Variants in IGFBP4 observed in about 807,000 individuals in gnomAD.
IGFBP4 encodes the protein insulin like growth factor binding protein 4.
In IGFBP4, 9 loss-of-function variants were observed where a neutral mutation model predicts 25.8. The observed-to-expected ratio is 0.35, with a 90% CI of 0.21 to 0.61. The LOEUF (loss-of-function observed/expected upper bound fraction) is 0.61, where lower values mean the gene tolerates loss of function less well. Among genes scored for constraint, IGFBP4 ranks in the 20% least tolerant of loss-of-function variants. IGFBP4 has a pLI of 0.77. For synonymous variants in IGFBP4, 153 were observed against 153.9 expected (o/e 0.99, Z 0.05); for missense variants, 315 against 365.3 (o/e 0.86, Z 1.12).
At chr17:40,446,476 C>T (rs2035646378) in intron 1 of IGFBP4, among the ~76,000 whole-genome samples, 1 of 151,842 alleles carries the variant, frequency 6.6e-6, no homozygotes, top group East Asian at 1.9e-4. Flanking sequence ...ATTAGCTGGG[C>T]ATGGTGGTGC....
At chr17:40,454,601 G>T (rs1281774140) in intron 3 of IGFBP4, among the ~76,000 whole-genome samples, 1 of 152,190 alleles carries the variant, frequency 6.6e-6, no homozygotes, top group East Asian at 1.9e-4. Context: ...GTTGGAGACA[G>T]GCACTTTGGG....
chr17:40,445,873 C>T (rs1208725107), intron 1 of IGFBP4, among the ~76,000 whole-genome samples: 1 of 152,122 alleles, frequency 6.6e-6, no homozygotes, highest in Non-Finnish European at 1.5e-5. Context: ...CCTCTCTCAG[C>T]ACTTTGAATG....
At position 40,444,924 on chromosome 17, in the gene IGFBP4, CACAGAGACAGAGAGAGAGAGAGAG is replaced by C. The variant is rs1197198642; in HGVS notation, c.349+842_349+865del. Among the ~76,000 whole-genome samples the C allele has an allele frequency of 1.2e-3, 112 of 96,150 alleles. 2 individuals are homozygous for C. In the East Asian group the frequency reaches 0.013, roughly 12 times the overall value. The allele number at this position is 96,150 out of a possible 152,430, so 63.1% of individuals were successfully genotyped here. On this transcript the variant is annotated intron_variant, in intron 1 of 3. Transcript: ENST00000269593. ...ACACACACACACACACACACACACA[CACAGAGACAGAGAGAGAGAGAGAG>C]AGAGAGAGAGAGAGAGAGAGAGAGA...
At chr17:40,447,495 C>G (rs144600826) in intron 1 of IGFBP4, among the ~76,000 whole-genome samples, 1 of 152,170 alleles carries the variant, frequency 6.6e-6, no homozygotes, top group East Asian at 1.9e-4. Context: ...GCAAATTCTG[C>G]CCCCCTACTT....
At position 40,453,277 on chromosome 17, in the gene IGFBP4, G is replaced by A; in HGVS notation, c.507+135G>A. On this transcript the variant is annotated intron_variant, in intron 2 of 3. Transcript: ENST00000269593. The surrounding 1 kb of genome is among the most constrained non-coding windows in gnomAD (Gnocchi z 4.0). ...CGTGTTCATTCAGCACACATTCTAG[G>A]GTGACTACTGTGTGCAAGGTGCAAC... 1 of 605,708 alleles carries A rather than the reference G, an allele frequency of 1.7e-6. No homozygotes were observed. The highest frequency in any genetic ancestry group is 2.6e-6 in the Non-Finnish European group (1 of 389,716). The allele number at this position is 605,708 out of a possible 1,614,324, so 37.5% of individuals were successfully genotyped here.
intron 1 of IGFBP4, among the ~76,000 whole-genome samples, chr17:40,452,741 G>A (rs950311602): frequency 1.3e-5 from 2 of 152,114 alleles, no homozygotes; most frequent in East Asian, 1.9e-4. Flanking sequence ...TCATCTGAGC[G>A]CTGGCCTGAG....
chr17:40,453,877 C>A lies in IGFBP4; in HGVS notation c.508-51C>A. On this transcript the variant is annotated intron_variant, in intron 2 of 3. Transcript: ENST00000269593. The surrounding 1 kb of genome is among the most constrained non-coding windows in gnomAD (Gnocchi z 4.0). ...ACTTAGCTCTGACCCCAGGCCTGGG[C>A]CTCCTGCCTCTCTTCCTTCTGCTGA... 6.9e-7 allele frequency: 1 copy of A among 1,439,486 alleles called. No homozygotes were observed. The highest frequency in any genetic ancestry group is 9.6e-7 in the Non-Finnish European group (1 of 1,045,332). 89.2% of individuals were successfully genotyped at this position (1,439,486 alleles called of 1,614,324 possible).
At position 40,453,079 on chromosome 17, in the gene IGFBP4, C is replaced by G; in HGVS notation, c.444C>G (p.Asp148Glu). The change falls in exon 2 of 4, where the codon GAC becomes GAG. Residue 148 changes from aspartate (D) to glutamate (E), a missense_variant. Physicochemically the swap from Asp to Glu is conservative, Grantham distance 45. Coordinates refer to ENST00000269593, the MANE Select transcript of IGFBP4 (RefSeq NM_001552.3). The surrounding 1 kb of genome is among the most constrained non-coding windows in gnomAD (Gnocchi z 4.0). ...CLQKHFAKIR[D>E]RSTSGGKMKV... is the part of the protein sequence containing the mutation. ...AGAAGCACTTCGCCAAAATTCGAGA[C>G]CGGAGCACCAGTGGGGGCAAGATGA... is the stretch of plus-strand genomic sequence containing the variant. 6.2e-7 allele frequency: 1 copy of G among 1,601,766 alleles called. No individual in the cohort carries two copies. Among genetic ancestry groups the G allele is most frequent in the Middle Eastern group, 1.7e-4 (1 of 6,046 alleles).
In IGFBP4 at chr17:40,453,386, G is replaced by A. The variant is rs2035697273; in HGVS notation, c.507+244G>A. 6.6e-6 allele frequency among the ~76,000 whole-genome samples: 1 copy of A among 152,094 alleles called. No homozygotes were observed. The highest frequency in any genetic ancestry group is 6.5e-5 in the Admixed American group (1 of 15,274). On this transcript the variant is annotated intron_variant, in intron 2 of 3. Coordinates refer to ENST00000269593, the MANE Select transcript of IGFBP4 (RefSeq NM_001552.3). This position sits in a 1 kb window ranked among gnomAD's most constrained non-coding sequence, Gnocchi z 4.0. Reference sequence around the variant, plus strand: ...CTGCCCATCAGTTATATACATCGGGGCAGCTTAAGTGATTATTAAATACTG... The same window carrying A: ...CTGCCCATCAGTTATATACATCGGGACAGCTTAAGTGATTATTAAATACTG...
chr17:40,451,829 G>A (rs1439650455), intron 1 of IGFBP4, among the ~76,000 whole-genome samples: 4 of 152,020 alleles, frequency 2.6e-5, no homozygotes, highest in African/African-American at 9.7e-5. Context: ...TTAAAAAAAT[G>A]TATTTTATTT....
At position 40,457,483 on chromosome 17, in the gene IGFBP4, T is replaced by C. The variant is rs2035721943; in HGVS notation, c.*900T>C. On this transcript the variant is annotated 3_prime_UTR_variant, in exon 4 of 4. Coordinates refer to ENST00000269593, the MANE Select transcript of IGFBP4 (RefSeq NM_001552.3). ...TTCCTGGGTCCTGTTCCCTACCCCA[T>C]TTGTGGTCACAGCCATGAAGTCACC... The C allele has an allele frequency of 6.6e-6, 1 of 151,990 alleles. No individual in the cohort carries two copies. Among genetic ancestry groups the C allele is most frequent in the African/African-American group, 2.4e-5 (1 of 41,316 alleles). 9.4% of individuals were successfully genotyped at this position (151,990 alleles called of 1,614,324 possible).
At chr17:40,444,107 A>C (rs760871198) in intron 1 of IGFBP4, 23 bp downstream of exon 1, 1 of 1,507,746 alleles carries the variant, frequency 6.6e-7, no homozygotes, top group Non-Finnish European at 8.9e-7. Context: ...TGGCCTCCCA[A>C]TTCCCTCCTG....
intron 1 of IGFBP4, among the ~76,000 whole-genome samples, chr17:40,451,950 G>A (rs576570430): frequency 1.3e-5 from 2 of 152,116 alleles, no homozygotes; most frequent in Admixed American, 6.5e-5. Context: ...TGATGCTCCC[G>A]CCTCAGCCTC....
Position 40,452,979 on chromosome 17 carries a change from A to C in IGFBP4, c.350-6A>C. 6.6e-7 allele frequency: 1 copy of C among 1,517,556 alleles called. No individual in the cohort carries two copies. Among genetic ancestry groups the C allele is most frequent in the Non-Finnish European group, 8.9e-7 (1 of 1,125,164 alleles). 94.0% of individuals were successfully genotyped at this position (1,517,556 alleles called of 1,614,324 possible). A position where few individuals can be genotyped will look rare whatever the true frequency, so the allele number is the denominator to read the frequency against. ...CTGACCTCTCCTTATCGCTACCTGA[A>C]TACAGACAAGGACGAGGGTGACCAC... On this transcript the variant is annotated splice_region_variant and splice_polypyrimidine_tract_variant and intron_variant, in intron 1 of 3. Transcript: ENST00000269593.
At chr17:40,454,208 C>T in intron 3 of IGFBP4, 146 bp downstream of exon 3, 2 of 1,196,280 alleles carry the variant, frequency 1.7e-6, no homozygotes, top group Non-Finnish European at 2.3e-6. Flanking sequence ...CTAAACCTAC[C>T]TCAGCGTCAG....
rs761407446 is a variant in IGFBP4, at chr17:40,453,182, A to ACG, written c.507+41_507+42insGC. On this transcript the variant is annotated intron_variant, in intron 2 of 3. Coordinates refer to ENST00000269593, the MANE Select transcript of IGFBP4 (RefSeq NM_001552.3). The surrounding 1 kb of genome is among the most constrained non-coding windows in gnomAD (Gnocchi z 4.0). ...TGCACAAATGTGCATGTGCATAGAC[A>ACG]CACACACACACATGCCCCCTGCCCC... is the stretch of plus-strand genomic sequence containing the variant. The ACG allele has an allele frequency of 3.6e-6, 5 of 1,407,080 alleles. No individual in the cohort carries two copies. The highest frequency in any genetic ancestry group is 4.7e-6 in the Non-Finnish European group (5 of 1,054,658). 87.2% of individuals were successfully genotyped at this position (1,407,080 alleles called of 1,614,324 possible).
At chr17:40,446,393 A>G (rs2035645936) in intron 1 of IGFBP4, among the ~76,000 whole-genome samples, 1 of 151,708 alleles carries the variant, frequency 6.6e-6, no homozygotes, top group Non-Finnish European at 1.5e-5. Flanking sequence ...AGGAGGGTGA[A>G]TCACCTGAGG....
In IGFBP4 at chr17:40,447,347, G is replaced by A. The variant is rs142650292; in HGVS notation, c.349+3263G>A. On this transcript the variant is annotated intron_variant, in intron 1 of 3. Coordinates refer to ENST00000269593, the MANE Select transcript of IGFBP4 (RefSeq NM_001552.3). Reference sequence around the variant, plus strand: ...GTCCACACCTCTGCATCCTGGTACTGATCCTAGACTCATGGAATCTGGGGG... The same window carrying A: ...GTCCACACCTCTGCATCCTGGTACTAATCCTAGACTCATGGAATCTGGGGG... Among the ~76,000 whole-genome samples the A allele has an allele frequency of 1.3e-3, 203 of 152,374 alleles. 1 individual carries two copies. Among genetic ancestry groups the A allele is most frequent in the African/African-American group, 4.6e-3 (190 of 41,592 alleles).
intron 1 of IGFBP4, among the ~76,000 whole-genome samples, chr17:40,445,564 G>A (rs2035640012): frequency 6.6e-6 from 1 of 152,224 alleles, no homozygotes; most frequent in Admixed American, 6.5e-5. Flanking sequence ...TCTGGGCCTC[G>A]GGCCTCTCTG....
Sources: allele counts gnomAD v4.1 joint callset (sites outside exome capture counted in the v4.1 genomes callset), GRCh38; gene constraint gnomAD v4.1.1; non-coding constraint Gnocchi (gnomAD v3.1); transcripts MANE v1.5; gene names NCBI Gene and HGNC (gene_info 2026-07-23, HGNC 2026-07-21).